Variants in PDCD6IP observed in about 807,000 individuals in gnomAD.
PDCD6IP encodes programmed cell death 6-interacting protein.
PDCD6IP carries 43 observed loss-of-function variants against 103.7 expected under a neutral mutation model. The ratio of observed to expected loss-of-function variants is 0.41; its 90% CI spans 0.32 to 0.53. The LOEUF (loss-of-function observed/expected upper bound fraction) is 0.53. PDCD6IP is among the 20% of genes least tolerant of loss of function. The probability of loss-of-function intolerance (pLI) is 0.16; values close to 1 mark genes in which losing one functional copy is unlikely to be tolerated. For synonymous variants in PDCD6IP, 354 were observed against 378.7 expected (o/e 0.93, Z 0.76); for missense variants, 871 against 1,036.7 (o/e 0.84, Z 2.20).
At chr3:33,823,373 C>T (rs1052084433) in intron 4 of PDCD6IP, among the ~76,000 whole-genome samples, 4 of 152,142 alleles carry the variant, frequency 2.6e-5, no homozygotes, top group African/African-American at 7.2e-5. Context: ...GAAAATATAC[C>T]GTAAGCAAAC....
chr3:33,860,563 C>T lies in PDCD6IP; in HGVS notation c.2121-3443C>T, dbSNP rs139196472. ...TCAGTCAGTCTTTATCTTTCTTTTC[C>T]AGGGCAACCGCTATCCTAACTTGTA... On this transcript the variant is annotated intron_variant, in intron 15 of 17. Transcript: ENST00000307296. 2.8e-4 allele frequency among the ~76,000 whole-genome samples: 43 copies of T among 152,234 alleles called. No individual in the cohort carries two copies. In the East Asian group the frequency reaches 7.9e-3, roughly 28 times the overall value.
chr3:33,866,692 T>G lies in PDCD6IP; in HGVS notation c.*167T>G. The G allele has an allele frequency of 2.2e-6, 1 of 452,976 alleles. No individual in the cohort carries two copies. Among genetic ancestry groups the G allele is most frequent in the Non-Finnish European group, 3.8e-6 (1 of 263,016 alleles). The allele number at this position is 452,976 out of a possible 1,614,324, so 28.1% of individuals were successfully genotyped here. On this transcript the variant is annotated 3_prime_UTR_variant, in exon 18 of 18. Coordinates refer to ENST00000307296, the MANE Select transcript of PDCD6IP (RefSeq NM_013374.6). ...AGAAGCTGTGCCCCAGTTCCACATT[T>G]GATTACACATGTGAGATTTGCTGCT...
chr3:33,827,253 C>T (rs1163488160), intron 6 of PDCD6IP: 1 of 940,946 alleles, frequency 1.1e-6, no homozygotes, highest in East Asian at 1.2e-4. Flanking sequence ...ATAAAGAAAA[C>T]TTAAAGATTG....
intron 12 of PDCD6IP, 122 bp downstream of exon 12, chr3:33,845,710 G>A (rs994268770): frequency 2.9e-6 from 2 of 694,122 alleles, no homozygotes; most frequent in East Asian, 2.7e-5. Flanking sequence ...ATAAATTGGG[G>A]TTGTTATATT....
intron 9 of PDCD6IP, among the ~76,000 whole-genome samples, chr3:33,840,772 C>T (rs1697450413): frequency 6.6e-6 from 1 of 152,136 alleles, no homozygotes; most frequent in African/African-American, 2.4e-5. Flanking sequence ...CATCTATTTT[C>T]TGTTGACATT....
At chr3:33,848,207 C>G (rs929594894) in intron 12 of PDCD6IP, among the ~76,000 whole-genome samples, 1 of 152,122 alleles carries the variant, frequency 6.6e-6, no homozygotes, top group Non-Finnish European at 1.5e-5. Context: ...TGAAGGCCTA[C>G]TATTCCAGAA....
intron 1 of PDCD6IP, 172 bp downstream of exon 1, chr3:33,799,109 G>T (rs1202765172): frequency 3.0e-6 from 2 of 660,612 alleles, no homozygotes; most frequent in Non-Finnish European, 5.1e-6. Context: ...GACCCGCCCT[G>T]CAGGCCCGCT....
At chr3:33,799,901 A>G (rs1280767521) in intron 1 of PDCD6IP, among the ~76,000 whole-genome samples, 1 of 151,854 alleles carries the variant, frequency 6.6e-6, no homozygotes, top group Non-Finnish European at 1.5e-5. Context: ...CGGGCGGATC[A>G]CGAGGTCAGG....
intron 15 of PDCD6IP, among the ~76,000 whole-genome samples, chr3:33,861,184 G>A (rs1319022728): frequency 8.1e-5 from 12 of 148,530 alleles, no homozygotes; most frequent in Admixed American, 5.4e-4. Flanking sequence ...TTGCTCTGTC[G>A]CTCAGGCTGG....
chr3:33,823,226 C>A (rs935282236), intron 4 of PDCD6IP, among the ~76,000 whole-genome samples: 1 of 152,140 alleles, frequency 6.6e-6, no homozygotes, highest in African/African-American at 2.4e-5. Context: ...TTCCAAATTT[C>A]ATGTAATTCC....
At chr3:33,800,520 T>C (rs907713972) in intron 1 of PDCD6IP, among the ~76,000 whole-genome samples, 1 of 152,192 alleles carries the variant, frequency 6.6e-6, no homozygotes, top group Non-Finnish European at 1.5e-5. Context: ...GAAGGGGTAC[T>C]GAATAGATTG....
intron 15 of PDCD6IP, among the ~76,000 whole-genome samples, chr3:33,860,252 A>G (rs1240363890): frequency 6.6e-6 from 1 of 152,190 alleles, no homozygotes; most frequent in Non-Finnish European, 1.5e-5. Context: ...ACACTTGTCA[A>G]GTATTTTCAG....
chr3:33,853,066 G>C (rs1422819932), intron 13 of PDCD6IP, among the ~76,000 whole-genome samples: 4 of 151,968 alleles, frequency 2.6e-5, no homozygotes, highest in Non-Finnish European at 5.9e-5. Flanking sequence ...TGGGACTATA[G>C]GCGCCCGCCA....
In PDCD6IP at chr3:33,841,628, C is replaced by T. The variant is rs529013374; in HGVS notation, c.1182-269C>T. On this transcript the variant is annotated intron_variant, in intron 9 of 17. Transcript: ENST00000307296. ...TAATTTTTTGTATTTTTAGTAGAGA[C>T]GGGGTTTCACCATGTTAGCCAGGAT... 2.1e-3 allele frequency among the ~76,000 whole-genome samples: 319 copies of T among 149,754 alleles called. 3 individuals carry two copies. Among genetic ancestry groups the T allele is most frequent in the African/African-American group, 7.1e-3 (288 of 40,720 alleles).
At chr3:33,855,414 A>G (rs1462647182) in intron 15 of PDCD6IP, 154 bp downstream of exon 15, 11 of 487,336 alleles carry the variant, frequency 2.3e-5, no homozygotes, top group African/African-American at 1.4e-4. Context: ...AGCAACAAGT[A>G]AACAGCTGCA....
rs528841931 is a variant in PDCD6IP at position 33,800,705 on chromosome 3, A to G, written c.209+1768A>G. Reference sequence around the variant, plus strand: ...CAAGGTAATTTTTATGTAGGCATGAATAGCATTCAGTGAGGATTTTCCATT... The same window carrying G: ...CAAGGTAATTTTTATGTAGGCATGAGTAGCATTCAGTGAGGATTTTCCATT... On this transcript the variant is annotated intron_variant, in intron 1 of 17. Coordinates refer to ENST00000307296, the MANE Select transcript of PDCD6IP (RefSeq NM_013374.6). Among the ~76,000 whole-genome samples the G allele has an allele frequency of 6.6e-4, 100 of 152,360 alleles. 1 individual carries two copies. The highest frequency in any genetic ancestry group is 3.2e-4 in the Non-Finnish European group (22 of 68,032).
Position 33,804,538 on chromosome 3 carries a change from G to A in PDCD6IP, c.209+5601G>A, listed in dbSNP as rs140678040. ...GTAATTGGCAGACCTTTTTGGCTCC[G>A]TAATTTTATTCCACATAGGTGAATA... On this transcript the variant is annotated intron_variant, in intron 1 of 17. Transcript: ENST00000307296. Among the ~76,000 whole-genome samples the A allele has an allele frequency of 1.8e-3, 280 of 152,352 alleles. 1 individual carries two copies. Among genetic ancestry groups the A allele is most frequent in the African/African-American group, 6.2e-3 (257 of 41,578 alleles).
intron 3 of PDCD6IP, among the ~76,000 whole-genome samples, chr3:33,817,919 A>G (rs1394098437): frequency 6.6e-6 from 1 of 152,040 alleles, no homozygotes; most frequent in Non-Finnish European, 1.5e-5. Flanking sequence ...AAAAAAAGAT[A>G]AAATAGCTCT....
At chr3:33,862,338 C>G (rs553047023) in intron 15 of PDCD6IP, among the ~76,000 whole-genome samples, 1 of 151,314 alleles carries the variant, frequency 6.6e-6, no homozygotes, top group East Asian at 1.9e-4. Context: ...CAGTGTGGGG[C>G]TTTGCTGTTA....
Sources: allele counts gnomAD v4.1 joint callset (sites outside exome capture counted in the v4.1 genomes callset), GRCh38; gene constraint gnomAD v4.1.1; transcripts MANE v1.5; gene names NCBI Gene and HGNC (gene_info 2026-07-23, HGNC 2026-07-21).